PLCB1: variants seen among roughly 807,000 people sequenced by gnomAD.
PLCB1 encodes the protein 1-phosphatidylinositol 4,5-bisphosphate phosphodiesterase beta-1.
PLCB1 carries 46 observed loss-of-function variants against 161.8 expected under a neutral mutation model. The ratio of observed to expected loss-of-function variants is 0.28; its 90% CI spans 0.22 to 0.36. The LOEUF (loss-of-function observed/expected upper bound fraction) is 0.36. Ranked by LOEUF, PLCB1 falls within the 10% of genes least tolerant of loss-of-function variation. PLCB1 has a pLI of 1.00. For synonymous variants in PLCB1, 517 were observed against 503.7 expected (o/e 1.03, Z -0.35); for missense variants, 1,016 against 1,472.5 (o/e 0.69, Z 5.07).
rs73593791 is a variant in PLCB1, at chr20:8,543,318, T to A, written c.247-84976T>A. Among the ~76,000 whole-genome samples, 1,283 of 152,198 alleles carry A rather than the reference T, an allele frequency of 8.4e-3. 15 individuals carry two copies. Among genetic ancestry groups the A allele is most frequent in the African/African-American group, 0.027 (1,115 of 41,538 alleles). On this transcript the variant is annotated intron_variant, in intron 3 of 31. Transcript: ENST00000338037. Reference sequence around the variant, plus strand: ...GTGGGTTATTTGAAGGACGTGGGCTTTTGCTCTGAGTGGGGTGGCAAAACT... The same window carrying A: ...GTGGGTTATTTGAAGGACGTGGGCTATTGCTCTGAGTGGGGTGGCAAAACT...
chr20:8,520,528 C>A (rs939365681), intron 3 of PLCB1, among the ~76,000 whole-genome samples: 5 of 151,976 alleles, frequency 3.3e-5, no homozygotes, highest in Admixed American at 3.3e-4. Flanking sequence ...TATTAAAGTA[C>A]AATTTACCTT....
intron 2 of PLCB1, among the ~76,000 whole-genome samples, chr20:8,342,177 CAGTG>C (rs1350556700): frequency 6.6e-6 from 1 of 152,146 alleles, no homozygotes; most frequent in Non-Finnish European, 1.5e-5. Flanking sequence ...AGATCACACA[CAGTG>C]AGGAATTCAT....
chr20:8,371,495 G>T (rs770235708), intron 3 of PLCB1, 45 bp downstream of exon 3: 1 of 1,330,286 alleles, frequency 7.5e-7, no homozygotes, highest in Admixed American at 1.9e-5. Context: ...TGCCTTGATT[G>T]TTTGGCTGTG....
chr20:8,835,800 A>G (rs984282451), intron 31 of PLCB1, among the ~76,000 whole-genome samples: 2 of 125,638 alleles, frequency 1.6e-5, no homozygotes, highest in African/African-American at 5.0e-5. Flanking sequence ...AATGACTGAC[A>G]AGGCATCTGG....
At chr20:8,268,424 C>T (rs1274987057) in intron 2 of PLCB1, among the ~76,000 whole-genome samples, 1 of 152,190 alleles carries the variant, frequency 6.6e-6, no homozygotes, top group East Asian at 1.9e-4. Flanking sequence ...CTGCAGTAAA[C>T]ATACGTGTGC....
chr20:8,232,239 G>T (rs60728383), intron 2 of PLCB1, among the ~76,000 whole-genome samples: 7,856 of 152,008 alleles, frequency 0.052, 553 homozygotes, highest in African/African-American at 0.16. Flanking sequence ...GAGAGAGAGA[G>T]AGAGAGAGAG....
chr20:8,182,325 T>C (rs1490047788), intron 2 of PLCB1, among the ~76,000 whole-genome samples: 1 of 152,190 alleles, frequency 6.6e-6, no homozygotes, highest in Non-Finnish European at 1.5e-5. Flanking sequence ...CCTTTAAAAC[T>C]AGGCTGGGGT....
chr20:8,487,736 G>A (rs1280747418), intron 3 of PLCB1, among the ~76,000 whole-genome samples: 1 of 152,146 alleles, frequency 6.6e-6, no homozygotes, highest in Non-Finnish European at 1.5e-5. Flanking sequence ...ATAAAGGGGC[G>A]GTGGTGCAAT....
chr20:8,331,475 G>A (rs949635514), intron 2 of PLCB1, among the ~76,000 whole-genome samples: 2 of 152,164 alleles, frequency 1.3e-5, no homozygotes, highest in East Asian at 3.9e-4. Context: ...TTGGCAGGCT[G>A]ATGCCTTTTG....
intron 9 of PLCB1, among the ~76,000 whole-genome samples, chr20:8,675,819 G>C (rs938247459): frequency 3.0e-4 from 45 of 152,176 alleles, no homozygotes; most frequent in African/African-American, 9.4e-4. Context: ...TGACAGATCT[G>C]AGAACCTGAT....
At chr20:8,278,977 T>TAAAAA (rs1568615549) in intron 2 of PLCB1, among the ~76,000 whole-genome samples, 1,502 of 148,330 alleles carry the variant, frequency 0.01, 20 homozygotes, top group South Asian at 0.035. Context: ...ACAGTGTTTT[T>TAAAAA]TAAAAAAAAA....
intron 2 of PLCB1, among the ~76,000 whole-genome samples, chr20:8,197,879 C>G (rs930855046): frequency 2.0e-5 from 3 of 151,978 alleles, no homozygotes; most frequent in Admixed American, 2.0e-4. Flanking sequence ...TCTACATATG[C>G]CTAGCCAGTT....
intron 3 of PLCB1, among the ~76,000 whole-genome samples, chr20:8,523,464 G>GTCTCTCTCTCTCTCTCTCTCTC (rs759770308): frequency 2.3e-5 from 1 of 42,862 alleles, no homozygotes; most frequent in Non-Finnish European, 4.2e-5. Context: ...ATATATATTT[G>GTCTCTCTCTCTCTCTCTCTCTC]GCTCTCTCTC....
intron 3 of PLCB1, among the ~76,000 whole-genome samples, chr20:8,411,757 C>T (rs915266277): frequency 1.3e-4 from 20 of 152,188 alleles, no homozygotes; most frequent in African/African-American, 4.6e-4. Flanking sequence ...GGCACGGTGG[C>T]TCACTCCTGA....
At chr20:8,705,546 G>T (rs541505965) in intron 11 of PLCB1, among the ~76,000 whole-genome samples, 1 of 152,156 alleles carries the variant, frequency 6.6e-6, no homozygotes, top group Non-Finnish European at 1.5e-5. Flanking sequence ...AAATCAGTGG[G>T]CAAGGAAAAG....
intron 3 of PLCB1, among the ~76,000 whole-genome samples, chr20:8,432,192 A>T (rs912676719): frequency 6.6e-6 from 1 of 152,142 alleles, no homozygotes; most frequent in Non-Finnish European, 1.5e-5. Context: ...AAAGAGGGAA[A>T]CAGGGACGCT....
At chr20:8,653,272 C>A (rs1251440071) in intron 7 of PLCB1, 1 of 152,000 alleles carries the variant, frequency 6.6e-6, no homozygotes, top group Admixed American at 6.6e-5. Flanking sequence ...TTACTAAATA[C>A]TATGAATAAA....
At chr20:8,807,814 T>C (rs932568726) in intron 31 of PLCB1, among the ~76,000 whole-genome samples, 1 of 152,160 alleles carries the variant, frequency 6.6e-6, no homozygotes, top group Non-Finnish European at 1.5e-5. Context: ...AGGAGTTGAA[T>C]TTTTTATTTT....
intron 3 of PLCB1, among the ~76,000 whole-genome samples, chr20:8,426,313 G>A (rs917402979): frequency 1.3e-5 from 2 of 152,076 alleles, no homozygotes; most frequent in South Asian, 2.1e-4. Flanking sequence ...TTTTCCAGTG[G>A]TATTTCAGAG....
Sources: gnomAD v4.1 joint callset for allele counts (sites outside exome capture counted in the v4.1 genomes callset) on GRCh38, gnomAD v4.1.1 for gene constraint, MANE v1.5 for transcripts, NCBI Gene and HGNC (gene_info 2026-07-23, HGNC 2026-07-21) for gene names.